The following FARSB variants were observed in gnomAD, a reference collection of about 807,000 sequenced individuals.
The protein encoded by FARSB is phenylalanyl-tRNA synthetase subunit beta.
In FARSB, 40 loss-of-function variants were observed where a neutral mutation model predicts 69.6. The observed-to-expected ratio is 0.57, with a 90% CI of 0.45 to 0.75. The LOEUF (loss-of-function observed/expected upper bound fraction) is 0.75. Ranked by LOEUF, FARSB falls within the 30% of genes least tolerant of loss-of-function variation. The pLI is 0.00. For synonymous variants in FARSB, 235 were observed against 247.2 expected (o/e 0.95, Z 0.46); for missense variants, 632 against 722.9 (o/e 0.87, Z 1.44).
chr2:222,640,358 C>T (rs976258922), intron 4 of FARSB, among the ~76,000 whole-genome samples: 2 of 152,246 alleles, frequency 1.3e-5, no homozygotes, highest in South Asian at 2.1e-4. Context: ...GGTGTGGTGG[C>T]GTGTGCCTGT....
At chr2:222,600,514 C>T (rs1317365034) in intron 15 of FARSB, among the ~76,000 whole-genome samples, 1 of 152,104 alleles carries the variant, frequency 6.6e-6, no homozygotes, top group Admixed American at 6.6e-5. Flanking sequence ...AAATTATAAA[C>T]AACCTATATT....
chr2:222,605,915 C>G (rs1223117161), intron 15 of FARSB, among the ~76,000 whole-genome samples: 1 of 151,968 alleles, frequency 6.6e-6, no homozygotes, highest in Non-Finnish European at 1.5e-5. Context: ...AGAGTGAGAC[C>G]CTGCCTCAAA....
chr2:222,592,301 C>G (rs1690294909), intron 16 of FARSB, among the ~76,000 whole-genome samples: 1 of 152,142 alleles, frequency 6.6e-6, no homozygotes, highest in Non-Finnish European at 1.5e-5. Flanking sequence ...TCCAGCCACC[C>G]ATCCATCCAT....
intron 14 of FARSB, among the ~76,000 whole-genome samples, chr2:222,617,387 A>C (rs971763079): frequency 6.6e-6 from 1 of 152,228 alleles, no homozygotes; most frequent in Non-Finnish European, 1.5e-5. Flanking sequence ...AGAACATAAC[A>C]GTTACCACAT....
At chr2:222,634,619 C>G in intron 5 of FARSB, 78 bp from the exon 6 acceptor site, 1 of 1,146,298 alleles carries the variant, frequency 8.7e-7, no homozygotes, top group Non-Finnish European at 1.2e-6. Flanking sequence ...TATTCTAAAG[C>G]CGAAATTCTA....
intron 16 of FARSB, among the ~76,000 whole-genome samples, chr2:222,576,026 A>C (rs1013280824): frequency 1.3e-5 from 2 of 151,416 alleles, no homozygotes; most frequent in Non-Finnish European, 2.9e-5. Context: ...AGTTTGGATA[A>C]GCTTTACACG....
chr2:222,590,902 G>T (rs573346290), intron 16 of FARSB, among the ~76,000 whole-genome samples: 108 of 152,084 alleles, frequency 7.1e-4, no homozygotes, highest in African/African-American at 2.4e-3. Context: ...TAATAACAAA[G>T]TTTAAAAAAA....
chr2:222,630,037 G>A, intron 9 of FARSB, 76 bp downstream of exon 9: 2 of 882,536 alleles, frequency 2.3e-6, no homozygotes, highest in Admixed American at 4.7e-5. Context: ...CACCGCACCT[G>A]GCCTATCTTT....
chr2:222,646,647 T>A (rs1213025183), intron 2 of FARSB, among the ~76,000 whole-genome samples: 1 of 152,204 alleles, frequency 6.6e-6, no homozygotes, highest in Non-Finnish European at 1.5e-5. Flanking sequence ...AATGAGGAGG[T>A]ATAATCTGAA....
At chr2:222,578,794 A>G (rs1056338691) in intron 16 of FARSB, among the ~76,000 whole-genome samples, 27 of 151,708 alleles carry the variant, frequency 1.8e-4, no homozygotes, top group Non-Finnish European at 4.0e-4. Context: ...CCTGGCTAAC[A>G]TGGTGAAACC....
At chr2:222,623,781 T>C (rs768562804) in intron 12 of FARSB, 51 bp from the exon 13 acceptor site, 2 of 1,142,928 alleles carry the variant, frequency 1.7e-6, no homozygotes, top group African/African-American at 3.1e-5. Context: ...TCTTGTTTTT[T>C]AAAAGGGAGA....
intron 13 of FARSB, among the ~76,000 whole-genome samples, chr2:222,621,524 GAA>G: frequency 6.6e-6 from 1 of 152,042 alleles, no homozygotes; most frequent in Non-Finnish European, 1.5e-5. Flanking sequence ...TGCCTGCCAG[GAA>G]CTTTTTTAAT....
Position 222,630,186 on chromosome 2 carries a change from AG to A in FARSB, c.787-13del. 1 of 1,366,838 alleles carries A rather than the reference AG, an allele frequency of 7.3e-7. No homozygotes were observed. The highest frequency in any genetic ancestry group is 2.4e-5 in the East Asian group (1 of 40,948). The allele number at this position is 1,366,838 out of a possible 1,614,324, so 84.7% of individuals were successfully genotyped here. A position where few individuals can be genotyped will look rare whatever the true frequency, so the allele number is the denominator to read the frequency against. ...AGAACTATTTTTGCCTGCAAAGAAA[AG>A]AAAAACAAATATAGTAATCTATAAA... On this transcript the variant is annotated splice_polypyrimidine_tract_variant and intron_variant, in intron 8 of 16. Coordinates refer to ENST00000281828, the MANE Select transcript of FARSB (RefSeq NM_005687.5).
rs997179126 is a variant in FARSB, at chr2:222,570,235, CTATTAAGTTTTAT to C, written c.*1623_*1635del. Among the ~76,000 whole-genome samples the C allele has an allele frequency of 2.0e-5, 3 of 152,144 alleles. No individual in the cohort carries two copies. The highest frequency in any genetic ancestry group is 2.1e-4 in the South Asian group (1 of 4,828). ...TTAAAAAACAGTTGTTTTATTTTTA[CTATTAAGTTTTAT>C]TATTAAGTTTTAAGAAATCTTTATG... is the stretch of plus-strand genomic sequence containing the variant. On this transcript the variant is annotated 3_prime_UTR_variant, in exon 17 of 17. Transcript: ENST00000281828.
At chr2:222,584,632 A>G (rs952017973) in intron 16 of FARSB, among the ~76,000 whole-genome samples, 3 of 152,140 alleles carry the variant, frequency 2.0e-5, no homozygotes, top group African/African-American at 7.2e-5. Flanking sequence ...AAATCAGGCC[A>G]CTCCCACCCT....
chr2:222,621,466 G>A (rs1045794840), intron 13 of FARSB, among the ~76,000 whole-genome samples: 3 of 152,050 alleles, frequency 2.0e-5, no homozygotes, highest in Admixed American at 6.6e-5. Context: ...CAAGTGATCC[G>A]CCCGCCTCGG....
intron 2 of FARSB, among the ~76,000 whole-genome samples, chr2:222,647,183 A>G (rs1408141902): frequency 6.6e-6 from 1 of 152,140 alleles, no homozygotes. Flanking sequence ...TATCATCTAG[A>G]TCCTTCCAGG....
intron 16 of FARSB, among the ~76,000 whole-genome samples, chr2:222,587,704 C>T (rs2106186520): frequency 6.6e-6 from 1 of 152,248 alleles, no homozygotes; most frequent in Middle Eastern, 3.4e-3. Context: ...GAAATACAAA[C>T]TACCATCAGA....
chr2:222,588,394 A>T (rs992206030), intron 16 of FARSB, among the ~76,000 whole-genome samples: 1 of 152,236 alleles, frequency 6.6e-6, no homozygotes, highest in Non-Finnish European at 1.5e-5. Context: ...ACAAACTCAC[A>T]GCCAATATCA....
Sources: gnomAD v4.1 joint callset for allele counts (sites outside exome capture counted in the v4.1 genomes callset) on GRCh38, gnomAD v4.1.1 for gene constraint, MANE v1.5 for transcripts, NCBI Gene and HGNC (gene_info 2026-07-23, HGNC 2026-07-21) for gene names.